Variants in POC1B observed in about 807,000 individuals in gnomAD.
The protein encoded by POC1B is POC1 centriolar protein homolog B.
A neutral mutation model predicts 60.6 loss-of-function variants in POC1B; 44 were observed. The observed-to-expected ratio is 0.73, with a 90% CI of 0.57 to 0.93. The LOEUF (loss-of-function observed/expected upper bound fraction) is 0.93. Ranked by LOEUF, POC1B falls within the 40% of genes least tolerant of loss-of-function variation. The probability of loss-of-function intolerance (pLI) is 0.00; values close to 1 mark genes in which losing one functional copy is unlikely to be tolerated. For synonymous variants in POC1B, 180 were observed against 198.9 expected, an observed-to-expected ratio of 0.90 and a Z score of 0.80; for missense variants, 555 against 572.3, an observed-to-expected ratio of 0.97 and a Z score of 0.31.
chr12:89,491,774 C>T (rs1220512977), intron 4 of POC1B, among the ~76,000 whole-genome samples, 162 bp downstream of exon 4: 2 of 152,054 alleles, frequency 1.3e-5, no homozygotes, highest in Non-Finnish European at 2.9e-5. Flanking sequence ...CAAGGATTTT[C>T]ACTATTTTGT....
intron 2 of POC1B, chr12:89,501,289 A>C: frequency 1.9e-6 from 2 of 1,029,742 alleles, no homozygotes; most frequent in South Asian, 2.6e-5. Context: ...AAATGACTGT[A>C]GATCTACAAA....
At chr12:89,468,993 A>C (rs2091367194) in intron 7 of POC1B, among the ~76,000 whole-genome samples, 1 of 152,216 alleles carries the variant, frequency 6.6e-6, no homozygotes, top group Non-Finnish European at 1.5e-5. Context: ...GGCTGGGCAC[A>C]GTGGCTTACA....
chr12:89,460,044 C>A, intron 9 of POC1B: 1 of 390,228 alleles, frequency 2.6e-6, no homozygotes, highest in Non-Finnish European at 5.0e-6. Flanking sequence ...AAATCCTAGC[C>A]AGTTCAGTAA....
chr12:89,449,285 T>C (rs1466260134), intron 10 of POC1B, among the ~76,000 whole-genome samples: 1 of 152,196 alleles, frequency 6.6e-6, no homozygotes, highest in African/African-American at 2.4e-5. Context: ...TCTACATGCA[T>C]GCTTAGTAGT....
At chr12:89,436,221 G>A (rs1476403379) in intron 10 of POC1B, among the ~76,000 whole-genome samples, 1 of 151,972 alleles carries the variant, frequency 6.6e-6, no homozygotes, top group Non-Finnish European at 1.5e-5. Flanking sequence ...AAAGTGCTGG[G>A]ATTACAGGCA....
intron 10 of POC1B, among the ~76,000 whole-genome samples, chr12:89,453,532 C>T (rs1882137971): frequency 6.6e-6 from 1 of 152,124 alleles, no homozygotes; most frequent in African/African-American, 2.4e-5. Flanking sequence ...TAGGAAGCAG[C>T]CACAAAGTTA....
chr12:89,405,733 T>C, the POC1B span, among the ~76,000 whole-genome samples: 3 of 152,064 alleles, frequency 2.0e-5, no homozygotes, highest in South Asian at 6.2e-4. Flanking sequence ...GATGGGAGGA[T>C]GGCTTGAGTC....
intron 4 of POC1B, among the ~76,000 whole-genome samples, chr12:89,482,540 G>C (rs1383339718): frequency 2.6e-5 from 4 of 152,090 alleles, no homozygotes; most frequent in African/African-American, 9.7e-5. Flanking sequence ...TGGTCAAATT[G>C]CTGAAAATAA....
intron 4 of POC1B, among the ~76,000 whole-genome samples, chr12:89,480,976 T>G (rs1397804842): frequency 6.6e-6 from 1 of 152,206 alleles, no homozygotes; most frequent in African/African-American, 2.4e-5. Flanking sequence ...CCTCAAGTGA[T>G]CCACCTGCCT....
chr12:89,475,708 C>G (rs1283568425), intron 4 of POC1B, among the ~76,000 whole-genome samples: 1 of 152,058 alleles, frequency 6.6e-6, no homozygotes, highest in Admixed American at 6.6e-5. Context: ...AGATTTCTGA[C>G]TCTCTTAATT....
intron 10 of POC1B, among the ~76,000 whole-genome samples, chr12:89,451,110 G>GA (rs1239391541): frequency 1.3e-5 from 2 of 151,904 alleles, no homozygotes; most frequent in African/African-American, 4.8e-5. Context: ...GAGGAAAGAG[G>GA]AATGTTCATT....
intron 10 of POC1B, among the ~76,000 whole-genome samples, chr12:89,430,665 A>C (rs1237496594): frequency 6.6e-6 from 1 of 152,080 alleles, no homozygotes; most frequent in South Asian, 2.1e-4. Flanking sequence ...CACTCCCACA[A>C]GACTTCGTGC....
chr12:89,522,885 C>T (rs1227123696), intron 2 of POC1B: 2 of 1,613,400 alleles, frequency 1.2e-6, no homozygotes, highest in East Asian at 2.2e-5. Context: ...CAGGTCGGCC[C>T]TCCGGTGTCC....
At chr12:89,440,812 G>A (rs902390671) in intron 10 of POC1B, among the ~76,000 whole-genome samples, 3 of 152,264 alleles carry the variant, frequency 2.0e-5, no homozygotes, top group African/African-American at 7.2e-5. Flanking sequence ...AGCCGAAGCA[G>A]GGCGGGGCAT....
chr12:89,417,209 G>A (rs1880378075), downstream of POC1B, among the ~76,000 whole-genome samples: 1 of 152,038 alleles, frequency 6.6e-6, no homozygotes, highest in Non-Finnish European at 1.5e-5. Flanking sequence ...AATTAATTGG[G>A]AGCCCATTAC....
intron 2 of POC1B, chr12:89,524,131 A>G (rs764561051): frequency 6.2e-7 from 1 of 1,613,938 alleles, no homozygotes; most frequent in African/African-American, 1.3e-5. Flanking sequence ...GAAAGCAATG[A>G]TAACAGAGGT....
At position 89,493,730 on chromosome 12, in the gene POC1B, T is replaced by A. The variant is rs566614823; in HGVS notation, c.273-1615A>T. On this transcript the variant is annotated intron_variant, in intron 3 of 11. Transcript: ENST00000313546. ...CAGTATCATCAAAATCTGCCCTGAT[T>A]TTTAGTTCTGCACTCCACACTCCAG... is the stretch of plus-strand genomic sequence containing the variant. Among the ~76,000 whole-genome samples, 38 of 152,274 alleles carry A rather than the reference T, an allele frequency of 2.5e-4. No homozygotes were observed. In the East Asian group the frequency reaches 7.3e-3, roughly 29 times the overall value.
At chr12:89,418,096 A>T (rs1240971929), downstream of POC1B, among the ~76,000 whole-genome samples, 4 of 152,198 alleles carry the variant, frequency 2.6e-5, no homozygotes, top group African/African-American at 4.8e-5. Flanking sequence ...GGAGAAAATG[A>T]AGCCTGGCAA....
chr12:89,497,840 C>T (rs1237231768), intron 2 of POC1B, among the ~76,000 whole-genome samples: 1 of 152,118 alleles, frequency 6.6e-6, no homozygotes, highest in Admixed American at 6.5e-5. Flanking sequence ...TGCCTTTTAC[C>T]CAAATCTACT....
Sources: gnomAD v4.1 joint callset for allele counts (sites outside exome capture counted in the v4.1 genomes callset) on GRCh38, gnomAD v4.1.1 for gene constraint, MANE v1.5 for transcripts, NCBI Gene and HGNC (gene_info 2026-07-23, HGNC 2026-07-21) for gene names.